The following SCAPER variants were observed in gnomAD, a reference collection of about 807,000 sequenced individuals.
The protein encoded by SCAPER is S phase cyclin A-associated protein in the endoplasmic reticulum.
SCAPER carries 98 observed loss-of-function variants against 182.2 expected under a neutral mutation model. The observed-to-expected ratio is 0.54, with a 90% CI of 0.46 to 0.64. The LOEUF (loss-of-function observed/expected upper bound fraction) is 0.64. SCAPER is among the 30% of genes least tolerant of loss of function. SCAPER has a pLI of 0.00. For missense variants in SCAPER, 1,432 were observed against 1,690.0 expected (o/e 0.85, Z 2.68); for synonymous variants, 605 against 564.6 (o/e 1.07, Z -1.01).
intron 28 of SCAPER, chr15:76,379,696 T>C (rs1183355133): frequency 6.6e-6 from 1 of 152,050 alleles, no homozygotes; most frequent in Non-Finnish European, 1.5e-5. Flanking sequence ...TTTTTTCTTT[T>C]CCTTTTTTTT....
intron 25 of SCAPER, among the ~76,000 whole-genome samples, chr15:76,454,833 T>A (rs1182361541): frequency 2.0e-5 from 3 of 152,074 alleles, no homozygotes; most frequent in Non-Finnish European, 4.4e-5. Flanking sequence ...GGCCATAGCA[T>A]TATTTAGGCC....
chr15:76,688,707 GT>G (rs1417571814), intron 20 of SCAPER, among the ~76,000 whole-genome samples: 1 of 151,996 alleles, frequency 6.6e-6, no homozygotes, highest in Non-Finnish European at 1.5e-5. Flanking sequence ...CCCATTGCTT[GT>G]TTTTGTCAGG....
chr15:76,796,633 G>A lies in SCAPER; in HGVS notation c.612-1193C>T, dbSNP rs2065347593. Among the ~76,000 whole-genome samples, 4 of 152,182 alleles carry A rather than the reference G, an allele frequency of 2.6e-5. No individual in the cohort carries two copies. In the South Asian group the frequency reaches 8.3e-4, roughly 32 times the overall value. On this transcript the variant is annotated intron_variant, in intron 7 of 31. Coordinates refer to ENST00000563290, the MANE Select transcript of SCAPER (RefSeq NM_020843.4). ...AAGACTGAATTAACCCAATGACACA[G>A]TTACGTGCAGATCAATATAAGAACT...
intron 23 of SCAPER, among the ~76,000 whole-genome samples, chr15:76,545,134 A>G (rs1429579251): frequency 1.3e-5 from 2 of 152,160 alleles, no homozygotes; most frequent in Non-Finnish European, 2.9e-5. Context: ...TTAAATTAAC[A>G]TTATGAATTC....
intron 15 of SCAPER, among the ~76,000 whole-genome samples, chr15:76,738,730 G>A (rs192123595): frequency 3.9e-5 from 6 of 152,232 alleles, no homozygotes; most frequent in Admixed American, 3.3e-4. Context: ...ATATATGAGT[G>A]TGGCTCATGG....
intron 1 of SCAPER, among the ~76,000 whole-genome samples, chr15:76,897,071 A>T (rs890743477): frequency 9.2e-5 from 14 of 152,184 alleles, no homozygotes; most frequent in Non-Finnish European, 2.1e-4. Flanking sequence ...TTTGAATCTC[A>T]GGGTACACAG....
At chr15:76,487,612 G>A (rs2051786046) in intron 24 of SCAPER, among the ~76,000 whole-genome samples, 1 of 152,096 alleles carries the variant, frequency 6.6e-6, no homozygotes, top group Non-Finnish European at 1.5e-5. Context: ...TAAAACTGAG[G>A]AGAGGATGGG....
At chr15:76,756,307 T>C (rs896114129) in intron 14 of SCAPER, among the ~76,000 whole-genome samples, 1 of 149,972 alleles carries the variant, frequency 6.7e-6, no homozygotes, top group Non-Finnish European at 1.5e-5. Context: ...CCAGGTATGA[T>C]GGCTCATGCC....
chr15:76,639,185 A>AAT (rs2053894513), intron 21 of SCAPER, among the ~76,000 whole-genome samples: 1 of 152,208 alleles, frequency 6.6e-6, no homozygotes. Context: ...ACCTATAATT[A>AAT]ATATGGAAGG....
chr15:76,609,478 C>A (rs550911457), intron 22 of SCAPER, among the ~76,000 whole-genome samples: 2 of 152,078 alleles, frequency 1.3e-5, no homozygotes, highest in Non-Finnish European at 2.9e-5. Flanking sequence ...CAGAATGAGA[C>A]CTTTGATTAA....
chr15:76,491,213 T>C (rs2143339876), intron 24 of SCAPER, among the ~76,000 whole-genome samples: 1 of 152,340 alleles, frequency 6.6e-6, no homozygotes, highest in South Asian at 2.1e-4. Flanking sequence ...TTTCAATTAC[T>C]GTATCTTCGC....
At chr15:76,840,339 G>C (rs2069351394) in intron 5 of SCAPER, among the ~76,000 whole-genome samples, 1 of 151,180 alleles carries the variant, frequency 6.6e-6, no homozygotes, top group South Asian at 2.1e-4. Flanking sequence ...AGGACTGCTT[G>C]AGCCCAGAAG....
At chr15:76,726,134 T>C (rs1374466421) in intron 17 of SCAPER, among the ~76,000 whole-genome samples, 1 of 119,786 alleles carries the variant, frequency 8.3e-6, no homozygotes, top group Non-Finnish European at 1.8e-5. Flanking sequence ...AATATATATA[T>C]ATATATATAT....
At chr15:76,622,109 A>G (rs1045524813) in intron 21 of SCAPER, among the ~76,000 whole-genome samples, 1 of 152,194 alleles carries the variant, frequency 6.6e-6, no homozygotes, top group East Asian at 1.9e-4. Context: ...TTTGTTTTTT[A>G]TACTGACTAA....
chr15:76,827,694 G>A (rs573185669), intron 5 of SCAPER, among the ~76,000 whole-genome samples: 1 of 151,984 alleles, frequency 6.6e-6, no homozygotes, highest in East Asian at 1.9e-4. Flanking sequence ...AAAGATGAAT[G>A]GATAGGAACT....
At chr15:76,747,939 G>T (rs892147228) in intron 15 of SCAPER, among the ~76,000 whole-genome samples, 6 of 151,848 alleles carry the variant, frequency 4.0e-5, no homozygotes, top group Non-Finnish European at 8.8e-5. Context: ...CCAATGAGAG[G>T]GTCTGTCTCT....
chr15:76,811,287 G>T (rs1568212431), intron 5 of SCAPER, among the ~76,000 whole-genome samples: 1 of 152,026 alleles, frequency 6.6e-6, no homozygotes, highest in Non-Finnish European at 1.5e-5. Flanking sequence ...ATCATACCAA[G>T]TATGTTTTCC....
At chr15:76,512,412 A>C (rs887746283) in intron 23 of SCAPER, among the ~76,000 whole-genome samples, 4 of 151,976 alleles carry the variant, frequency 2.6e-5, no homozygotes, top group Non-Finnish European at 5.9e-5. Flanking sequence ...CTCTCCTCTC[A>C]TATTCCATCT....
At chr15:76,442,160 T>C (rs1029592784) in intron 25 of SCAPER, among the ~76,000 whole-genome samples, 9 of 152,318 alleles carry the variant, frequency 5.9e-5, no homozygotes, top group Non-Finnish European at 1.3e-4. Flanking sequence ...TCCTTCTCTA[T>C]GCAATATCCT....
Sources: gnomAD v4.1 joint callset for allele counts (sites outside exome capture counted in the v4.1 genomes callset) on GRCh38, gnomAD v4.1.1 for gene constraint, MANE v1.5 for transcripts, NCBI Gene and HGNC (gene_info 2026-07-23, HGNC 2026-07-21) for gene names.